MSH3: variants seen among roughly 807,000 people sequenced by gnomAD.
MSH3 encodes mutS homolog 3.
MSH3 carries 106 observed loss-of-function variants against 123.3 expected under a neutral mutation model. The observed-to-expected ratio is 0.86, with a 90% CI of 0.73 to 1.01. The LOEUF (loss-of-function observed/expected upper bound fraction) is 1.01. Ranked by LOEUF, MSH3 falls within the 50% of genes least tolerant of loss-of-function variation. The pLI is 0.00. For missense variants in MSH3, 1,459 were observed against 1,347.6 expected, an observed-to-expected ratio of 1.08 and a Z score of -1.29; for synonymous variants, 515 against 481.4, an observed-to-expected ratio of 1.07 and a Z score of -0.91.
At chr5:80,740,820 T>C (rs1743599907) in intron 10 of MSH3, among the ~76,000 whole-genome samples, 1 of 151,876 alleles carries the variant, frequency 6.6e-6, no homozygotes. Context: ...GTTCAAGTGA[T>C]TCTTGTGCTT....
At chr5:80,762,825 G>GTTATT (rs59106049) in intron 13 of MSH3, among the ~76,000 whole-genome samples, 22,107 of 140,154 alleles carry the variant, frequency 0.16, 1,877 homozygotes, top group Non-Finnish European at 0.19. Flanking sequence ...GTTATGTTAT[G>GTTATT]TTATGTTATT....
At chr5:80,665,504 T>C (rs932272400) in intron 3 of MSH3, 141 bp downstream of exon 3, 2 of 685,140 alleles carry the variant, frequency 2.9e-6, no homozygotes, top group African/African-American at 3.6e-5. Context: ...TTTTGTGTTT[T>C]AGTTTAGTTT....
chr5:80,672,975 A>G (rs1749756905), intron 6 of MSH3, 117 bp downstream of exon 6: 2 of 801,758 alleles, frequency 2.5e-6, no homozygotes, highest in Admixed American at 1.7e-5. Context: ...AGATGAGCTG[A>G]GAGGCATTAA....
chr5:80,684,149 A>G (rs1405714674), intron 8 of MSH3, among the ~76,000 whole-genome samples: 1 of 152,022 alleles, frequency 6.6e-6, no homozygotes, highest in Non-Finnish European at 1.5e-5. Context: ...TTTGCTTAGG[A>G]TATATTTGGC....
chr5:80,855,033 C>A (rs75767354), intron 21 of MSH3, among the ~76,000 whole-genome samples: 213 of 152,226 alleles, frequency 1.4e-3, no homozygotes, highest in African/African-American at 4.8e-3. Context: ...TCAGTAACAT[C>A]ATTCCTTCAA....
intron 20 of MSH3, among the ~76,000 whole-genome samples, chr5:80,833,272 A>G (rs1745450568): frequency 3.9e-5 from 6 of 152,128 alleles, no homozygotes; most frequent in Admixed American, 3.3e-4. Context: ...TGAAACCTAA[A>G]GAATGGATTT....
intron 19 of MSH3, among the ~76,000 whole-genome samples, chr5:80,797,463 G>GTT (rs138314150): frequency 6.6e-6 from 1 of 151,746 alleles, no homozygotes; most frequent in African/African-American, 2.4e-5. Flanking sequence ...TACACAAAAT[G>GTT]TTTTTTTTCA....
chr5:80,748,955 A>G (rs763001761), intron 12 of MSH3, among the ~76,000 whole-genome samples: 1 of 152,176 alleles, frequency 6.6e-6, no homozygotes, highest in African/African-American at 2.4e-5. Context: ...GTAGCATACT[A>G]TATACTTTAA....
intron 8 of MSH3, among the ~76,000 whole-genome samples, chr5:80,716,906 A>C (rs1383637248): frequency 6.6e-6 from 1 of 151,892 alleles, no homozygotes; most frequent in Non-Finnish European, 1.5e-5. Context: ...CCATTATTCT[A>C]CCTCTATGAG....
intron 8 of MSH3, among the ~76,000 whole-genome samples, chr5:80,681,693 A>G (rs556491848): frequency 8.7e-5 from 13 of 148,962 alleles, no homozygotes; most frequent in East Asian, 2.0e-4. Flanking sequence ...AAGTCAATCA[A>G]TTTTATCAAC....
rs1180829987 is a variant in MSH3 at position 80,654,960 on chromosome 5, A to C, written c.233A>C (p.His78Pro). ...APAFPPQLPP[H>P]IATEIDRRKK... Reference sequence around the variant, plus strand: ...GCCTTCCCGCCCCAGCTGCCGCCGCACATAGTAGGTTCTGTCTGGGACTGG... The same window carrying C: ...GCCTTCCCGCCCCAGCTGCCGCCGCCCATAGTAGGTTCTGTCTGGGACTGG... The change falls in exon 1 of 24, where the codon CAC (histidine) becomes CCC (proline). Residue 78 changes from histidine to proline, a missense_variant. Transcript: ENST00000265081. 6.8e-7 allele frequency: 1 copy of C among 1,468,724 alleles called. No individual in the cohort carries two copies. Among genetic ancestry groups the C allele is most frequent in the Admixed American group, 2.7e-5 (1 of 37,672 alleles). 91.0% of individuals were successfully genotyped at this position (1,468,724 alleles called of 1,614,324 possible). A position where few individuals can be genotyped will look rare whatever the true frequency, so the allele number is the denominator to read the frequency against.
chr5:80,810,085 A>T (rs529901292), intron 19 of MSH3, among the ~76,000 whole-genome samples: 153 of 150,454 alleles, frequency 1.0e-3, no homozygotes, highest in African/African-American at 3.6e-3. Flanking sequence ...CTTTTTCTCC[A>T]TCTTCATCTC....
At chr5:80,818,927 G>T (rs967295142) in intron 20 of MSH3, among the ~76,000 whole-genome samples, 5 of 152,192 alleles carry the variant, frequency 3.3e-5, no homozygotes, top group Non-Finnish European at 7.4e-5. Flanking sequence ...TTGAGAAAGA[G>T]ATAAGATCCC....
chr5:80,746,572 G>A, intron 12 of MSH3: 1 of 413,036 alleles, frequency 2.4e-6, no homozygotes, highest in Non-Finnish European at 4.8e-6. Flanking sequence ...GTCCTAAGGA[G>A]GGATCTCCTC....
At chr5:80,775,651 A>G (rs1744284420) in intron 15 of MSH3, 43 bp from the exon 16 acceptor site, 1 of 1,114,610 alleles carries the variant, frequency 9.0e-7, no homozygotes. Flanking sequence ...AAAATATATA[A>G]TGGTTACTTA....
At chr5:80,684,816 G>C (rs1580560087) in intron 8 of MSH3, among the ~76,000 whole-genome samples, 1 of 152,164 alleles carries the variant, frequency 6.6e-6, no homozygotes, top group East Asian at 1.9e-4. Context: ...TGTTGCTTTT[G>C]TTATGTTGAG....
At position 80,654,889 on chromosome 5, in the gene MSH3, TGCA is replaced by T. The variant is rs1749203853; in HGVS notation, c.165_167del (p.Ala62del). On this transcript the variant is annotated inframe_deletion, in exon 1 of 24. Coordinates refer to ENST00000265081, the MANE Select transcript of MSH3 (RefSeq NM_002439.5). ...AGGTGGACCCTGGCGCTGCAGCGGC[TGCA>T]GCGGCCGCAGCGGCCGCAGCGCCCC... is the stretch of plus-strand genomic sequence containing the variant. 4.8e-6 allele frequency: 4 copies of T among 825,138 alleles called. No individual in the cohort carries two copies. The East Asian group carries it at 1.2e-4, about 26-fold the overall frequency. 51.1% of individuals were successfully genotyped at this position (825,138 alleles called of 1,614,324 possible).
intron 8 of MSH3, among the ~76,000 whole-genome samples, chr5:80,700,121 T>TA (rs1172961136): frequency 1.3e-5 from 2 of 152,204 alleles, no homozygotes; most frequent in Non-Finnish European, 2.9e-5. Context: ...GGCTCATGCC[T>TA]AAAATCCGAG....
chr5:80,871,979 C>T (rs2112127194), intron 22 of MSH3, among the ~76,000 whole-genome samples: 1 of 152,230 alleles, frequency 6.6e-6, no homozygotes, highest in African/African-American at 2.4e-5. Flanking sequence ...AGAAGGCAAA[C>T]AGTCGAGGGT....
Sources: allele counts gnomAD v4.1 joint callset (sites outside exome capture counted in the v4.1 genomes callset), GRCh38; gene constraint gnomAD v4.1.1; transcripts MANE v1.5; gene names NCBI Gene and HGNC (gene_info 2026-07-23, HGNC 2026-07-21).